The following AGMO variants were observed in gnomAD, a reference collection of about 807,000 sequenced individuals.
The protein encoded by AGMO is glyceryl-ether monooxygenase.
A neutral mutation model predicts 60.2 loss-of-function variants in AGMO; 75 were observed. The observed-to-expected ratio is 1.25, with a 90% CI of 1.03 to 1.51. The LOEUF (loss-of-function observed/expected upper bound fraction) is 1.51. AGMO is among the 40% of genes most tolerant of loss of function. The pLI is 0.00. For missense variants in AGMO, 763 were observed against 525.5 expected, an observed-to-expected ratio of 1.45 and a Z score of -4.42; for synonymous variants, 261 against 177.1, an observed-to-expected ratio of 1.47 and a Z score of -3.76.
At chr7:15,135,981 T>TTTC in the AGMO span, among the ~76,000 whole-genome samples, 3 of 145,394 alleles carry the variant, frequency 2.1e-5, no homozygotes, top group South Asian at 2.2e-4. Context: ...TTTCTTTTCT[T>TTTC]TTTTTTTTTT....
intron 3 of AGMO, among the ~76,000 whole-genome samples, chr7:15,515,844 C>G (rs544293464): frequency 6.6e-6 from 1 of 152,112 alleles, no homozygotes; most frequent in Non-Finnish European, 1.5e-5. Context: ...TATTTTCAAG[C>G]TGTTGATGAA....
At chr7:15,184,571 GGGAA>G in the AGMO span, among the ~76,000 whole-genome samples, 10 of 135,004 alleles carry the variant, frequency 7.4e-5, no homozygotes, top group Admixed American at 3.0e-4. Context: ...GAGGGAGGGA[GGGAA>G]GGAAGGAAGG....
intron 12 of AGMO, among the ~76,000 whole-genome samples, chr7:15,227,396 CTG>C (rs1310242649): frequency 6.6e-6 from 1 of 151,668 alleles, no homozygotes; most frequent in Non-Finnish European, 1.5e-5. Flanking sequence ...AATACTGAAA[CTG>C]TGCCCCAAAG....
At chr7:15,341,060 T>C (rs531942343) in intron 12 of AGMO, among the ~76,000 whole-genome samples, 64 of 152,240 alleles carry the variant, frequency 4.2e-4, no homozygotes, top group African/African-American at 1.3e-3. Context: ...AACCTGGATA[T>C]GAGACATGGA....
intron 12 of AGMO, among the ~76,000 whole-genome samples, chr7:15,273,378 A>G (rs1783676195): frequency 6.6e-6 from 1 of 152,204 alleles, no homozygotes; most frequent in Non-Finnish European, 1.5e-5. Flanking sequence ...CATTTATTAA[A>G]TAGAGAATCC....
chr7:15,541,005 CT>C (rs1784613865), intron 3 of AGMO, among the ~76,000 whole-genome samples: 1 of 152,188 alleles, frequency 6.6e-6, no homozygotes, highest in African/African-American at 2.4e-5. Context: ...TAATTATCAG[CT>C]TTTAAAAATG....
intron 12 of AGMO, among the ~76,000 whole-genome samples, chr7:15,279,740 G>GT (rs1783907734): frequency 6.6e-6 from 1 of 152,172 alleles, no homozygotes; most frequent in African/African-American, 2.4e-5. Flanking sequence ...AGCCTCCAGA[G>GT]TAAGAGCTGG....
At chr7:15,329,690 T>G (rs1189782845) in intron 12 of AGMO, among the ~76,000 whole-genome samples, 2 of 152,216 alleles carry the variant, frequency 1.3e-5, no homozygotes, top group African/African-American at 4.8e-5. Context: ...TTATGTTTAA[T>G]CCTCTCAAAC....
intron 5 of AGMO, among the ~76,000 whole-genome samples, chr7:15,408,319 C>T (rs1326075758): frequency 1.3e-5 from 2 of 151,652 alleles, no homozygotes; most frequent in East Asian, 1.9e-4. Flanking sequence ...TAGGAGCACC[C>T]TAATATTATT....
At chr7:15,553,326 A>AAAAT (rs912478634) in intron 2 of AGMO, among the ~76,000 whole-genome samples, 2 of 151,690 alleles carry the variant, frequency 1.3e-5, no homozygotes, top group African/African-American at 2.4e-5. Context: ...TATAATAAAA[A>AAAAT]AAATAAATAA....
At chr7:15,227,508 TA>T (rs72001085) in intron 12 of AGMO, among the ~76,000 whole-genome samples, 18,187 of 139,708 alleles carry the variant, frequency 0.13, 1,149 homozygotes, top group African/African-American at 0.18. Flanking sequence ...GATGGCAGAT[TA>T]AAAAAAAAAA....
chr7:15,400,585 T>A (rs1167561469), intron 5 of AGMO, among the ~76,000 whole-genome samples: 2 of 152,100 alleles, frequency 1.3e-5, no homozygotes, highest in African/African-American at 2.4e-5. Context: ...AGTGTGGTGG[T>A]CATTACCAGG....
At chr7:15,460,286 GC>G (rs1489195159) in intron 3 of AGMO, among the ~76,000 whole-genome samples, 2 of 151,490 alleles carry the variant, frequency 1.3e-5, no homozygotes, top group African/African-American at 4.8e-5. Context: ...ATGGGGTTTC[GC>G]CATGTTGGCC....
intron 10 of AGMO, among the ~76,000 whole-genome samples, chr7:15,377,458 G>A (rs996786044): frequency 2.6e-5 from 4 of 151,462 alleles, no homozygotes; most frequent in African/African-American, 9.7e-5. Flanking sequence ...ACAGTGTCTG[G>A]CTACATTTTT....
At chr7:15,207,538 CAT>C (rs1356622181) in intron 12 of AGMO, among the ~76,000 whole-genome samples, 2 of 152,166 alleles carry the variant, frequency 1.3e-5, no homozygotes, top group Non-Finnish European at 2.9e-5. Flanking sequence ...TTTTGATACA[CAT>C]ACTCTTGATG....
intron 12 of AGMO, among the ~76,000 whole-genome samples, chr7:15,354,438 A>ACACACG (rs1782414233): frequency 5.0e-5 from 1 of 19,826 alleles, no homozygotes; most frequent in Non-Finnish European, 7.2e-5. Flanking sequence ...ACGTGTGTGT[A>ACACACG]TACACACGTG....
intron 12 of AGMO, among the ~76,000 whole-genome samples, chr7:15,245,289 CTTG>C (rs1472530702): frequency 3.3e-5 from 5 of 152,260 alleles, no homozygotes; most frequent in African/African-American, 7.2e-5. Flanking sequence ...TATCCCTTTT[CTTG>C]TTGTTGTTTT....
At chr7:15,284,367 G>C (rs1784047318) in intron 12 of AGMO, among the ~76,000 whole-genome samples, 1 of 151,596 alleles carries the variant, frequency 6.6e-6, no homozygotes. Context: ...TTTCAAATAA[G>C]ATTAAAAATG....
downstream of AGMO, among the ~76,000 whole-genome samples, chr7:15,196,312 G>A (rs1448607864): frequency 6.6e-6 from 1 of 152,060 alleles, no homozygotes. Context: ...GCCTCCCAAA[G>A]TGTTGGGATT....
Sources: gnomAD v4.1 joint callset for allele counts (sites outside exome capture counted in the v4.1 genomes callset) on GRCh38, gnomAD v4.1.1 for gene constraint, MANE v1.5 for transcripts, NCBI Gene and HGNC (gene_info 2026-07-23, HGNC 2026-07-21) for gene names.